The following PTPRG variants were observed in gnomAD, a reference collection of about 807,000 sequenced individuals.
The protein encoded by PTPRG is receptor-type tyrosine-protein phosphatase gamma.
Under a neutral mutation model 165.3 loss-of-function variants are expected in PTPRG, and 102 were observed. The ratio of observed to expected loss-of-function variants is 0.62; its 90% confidence interval spans 0.53 to 0.73. The LOEUF (loss-of-function observed/expected upper bound fraction) is 0.73, where lower values mean the gene tolerates loss of function less well. PTPRG is among the 30% of genes least tolerant of loss of function. The pLI, the probability that PTPRG is intolerant of heterozygous loss-of-function variation, is 0.00. For missense variants in PTPRG, 1,866 were observed against 1,861.4 expected (o/e 1.00, Z -0.05); for synonymous variants, 675 against 669.5 (o/e 1.01, Z -0.13).
intron 1 of PTPRG, among the ~76,000 whole-genome samples, chr3:61,647,779 G>A (rs1702243880): frequency 3.0e-5 from 3 of 99,640 alleles, no homozygotes; most frequent in Non-Finnish European, 5.7e-5. Context: ...GTGACAGAGT[G>A]AGACTCCGTC....
intron 5 of PTPRG, among the ~76,000 whole-genome samples, chr3:62,108,218 C>G (rs56078959): frequency 0.23 from 35,203 of 151,378 alleles, 4,360 homozygotes; most frequent in Middle Eastern, 0.28. Context: ...GCAACAGGCC[C>G]CGGTGTGTGA....
At chr3:62,117,087 G>A (rs1702894073) in intron 5 of PTPRG, among the ~76,000 whole-genome samples, 1 of 152,156 alleles carries the variant, frequency 6.6e-6, no homozygotes, top group South Asian at 2.1e-4. Context: ...ACTTGCAGAA[G>A]AACGTGTACC....
At chr3:61,934,135 G>C (rs980155511) in intron 2 of PTPRG, among the ~76,000 whole-genome samples, 2 of 152,152 alleles carry the variant, frequency 1.3e-5, no homozygotes, top group African/African-American at 4.8e-5. Flanking sequence ...ATTCTAACAA[G>C]AACAAAAGAA....
intron 2 of PTPRG, among the ~76,000 whole-genome samples, chr3:61,964,969 G>T (rs954472391): frequency 3.9e-5 from 6 of 152,144 alleles, no homozygotes; most frequent in African/African-American, 1.4e-4. Context: ...GGGGCCGGGT[G>T]CAGTCTCTCA....
chr3:62,141,544 A>G (rs934256526), intron 6 of PTPRG, among the ~76,000 whole-genome samples: 1 of 152,116 alleles, frequency 6.6e-6, no homozygotes, highest in Non-Finnish European at 1.5e-5. Flanking sequence ...AGGTTTAGTG[A>G]GCCAAGATTG....
In PTPRG at chr3:62,265,896, T is replaced by TATATACACACACACACACACACACAC. The variant is rs1553662684; in HGVS notation, c.2657-1513_2657-1512insTATACACACACACACACACACACACA. ...CACACGTATACATCTGTGCCTTATA[T>TATATACACACACACACACACACACAC]ACACACACACACACACACACACACA... On this transcript the variant is annotated intron_variant, in intron 17 of 29. Coordinates refer to ENST00000474889, the MANE Select transcript of PTPRG (RefSeq NM_002841.4). 4.9e-3 allele frequency among the ~76,000 whole-genome samples: 642 copies of TATATACACACACACACACACACACAC among 130,574 alleles called. 5 individuals are homozygous for TATATACACACACACACACACACACAC. Among genetic ancestry groups the TATATACACACACACACACACACACAC allele is most frequent in the African/African-American group, 0.014 (497 of 34,414 alleles). The allele number at this position is 130,574 out of a possible 152,430, so 85.7% of individuals were successfully genotyped here. A position where few individuals can be genotyped will look rare whatever the true frequency, so the allele number is the denominator to read the frequency against.
chr3:61,832,434 G>C (rs2036326194), intron 2 of PTPRG, among the ~76,000 whole-genome samples: 1 of 152,198 alleles, frequency 6.6e-6, no homozygotes, highest in Admixed American at 6.5e-5. Flanking sequence ...CATAGAGAGT[G>C]GGTAAGCATC....
At chr3:61,711,348 C>T (rs1427821130) in intron 1 of PTPRG, among the ~76,000 whole-genome samples, 2 of 152,238 alleles carry the variant, frequency 1.3e-5, no homozygotes, top group East Asian at 3.8e-4. Context: ...TATCACAACA[C>T]TGTCTTCTAC....
intron 2 of PTPRG, among the ~76,000 whole-genome samples, chr3:61,953,281 T>C (rs1052952966): frequency 5.3e-5 from 8 of 152,266 alleles, no homozygotes; most frequent in Admixed American, 5.2e-4. Flanking sequence ...ACCCTTGCTC[T>C]GCTACTGACA....
At chr3:62,186,528 A>AGG in intron 8 of PTPRG, among the ~76,000 whole-genome samples, 1 of 142,716 alleles carries the variant, frequency 7.0e-6, no homozygotes, top group African/African-American at 2.6e-5. Flanking sequence ...TCGGCCTCAG[A>AGG]GGGGAAGCAG....
chr3:61,882,777 A>G (rs2037921267), intron 2 of PTPRG, among the ~76,000 whole-genome samples: 1 of 152,140 alleles, frequency 6.6e-6, no homozygotes, highest in African/African-American at 2.4e-5. Flanking sequence ...TTGTTTCTGT[A>G]TCATACGTGT....
At chr3:62,069,311 A>G (rs534540385) in intron 4 of PTPRG, among the ~76,000 whole-genome samples, 1 of 152,336 alleles carries the variant, frequency 6.6e-6, no homozygotes, top group East Asian at 1.9e-4. Flanking sequence ...TCTTCAATAT[A>G]CAAATCCGGT....
intron 1 of PTPRG, among the ~76,000 whole-genome samples, chr3:61,574,649 A>G (rs1489186036): frequency 6.6e-6 from 1 of 152,184 alleles, no homozygotes; most frequent in Non-Finnish European, 1.5e-5. Flanking sequence ...GTCTTAGTCC[A>G]TTTTATGTTG....
At chr3:62,259,709 A>C (rs1375113640) in intron 16 of PTPRG, among the ~76,000 whole-genome samples, 3 of 152,226 alleles carry the variant, frequency 2.0e-5, no homozygotes, top group Non-Finnish European at 4.4e-5. Context: ...CAGCTGCAGG[A>C]TAATAATGCT....
chr3:61,725,081 T>A (rs576286129), intron 1 of PTPRG, among the ~76,000 whole-genome samples: 1 of 152,182 alleles, frequency 6.6e-6, no homozygotes, highest in African/African-American at 2.4e-5. Context: ...TCTCTTCTCC[T>A]TTTTTACCAC....
At chr3:61,982,524 T>TG (rs1219045608) in intron 2 of PTPRG, among the ~76,000 whole-genome samples, 1 of 152,198 alleles carries the variant, frequency 6.6e-6, no homozygotes. Flanking sequence ...AGTGTGTGGA[T>TG]GGCATGCATA....
At chr3:62,069,949 A>T (rs1701156562) in intron 4 of PTPRG, among the ~76,000 whole-genome samples, 1 of 152,196 alleles carries the variant, frequency 6.6e-6, no homozygotes, top group African/African-American at 2.4e-5. Context: ...TACTGATTTA[A>T]ATGTTAATCA....
At chr3:61,700,634 G>C (rs576915006) in intron 1 of PTPRG, among the ~76,000 whole-genome samples, 109 of 152,294 alleles carry the variant, frequency 7.2e-4, no homozygotes, top group African/African-American at 2.6e-3. Flanking sequence ...AAGTGAACTT[G>C]ACTGTTTTGG....
intron 5 of PTPRG, 131 bp from the exon 6 acceptor site, chr3:62,132,471 T>C (rs1335583107): frequency 1.3e-5 from 9 of 715,184 alleles, no homozygotes; most frequent in Non-Finnish European, 2.3e-5. Context: ...GTGAGAGCCA[T>C]GGTGTATGTG....
Sources: allele counts gnomAD v4.1 joint callset (sites outside exome capture counted in the v4.1 genomes callset), GRCh38; gene constraint gnomAD v4.1.1; transcripts MANE v1.5; gene names NCBI Gene and HGNC (gene_info 2026-07-23, HGNC 2026-07-21).